FBLN7: variants seen among roughly 807,000 people sequenced by gnomAD.
FBLN7 encodes fibulin 7, also known as fibulin-7.
Under a neutral mutation model 44.0 loss-of-function variants are expected in FBLN7, and 31 were observed. The observed-to-expected ratio is 0.70, with a 90% CI of 0.53 to 0.95. The LOEUF (loss-of-function observed/expected upper bound fraction) is 0.95, where lower values mean the gene tolerates loss of function less well. Among genes scored for constraint, FBLN7 ranks in the 40% least tolerant of loss-of-function variants. The pLI is 0.00. For synonymous variants in FBLN7, 262 were observed against 253.4 expected, an observed-to-expected ratio of 1.03 and a Z score of -0.32; for missense variants, 573 against 618.5, an observed-to-expected ratio of 0.93 and a Z score of 0.78.
At chr2:112,231,054 T>C in the FBLN7 span, 8 of 751,940 alleles carry the variant, frequency 1.1e-5, no homozygotes, top group African/African-American at 1.5e-4. Flanking sequence ...AAATTCATCC[T>C]AATAATCATC....
At chr2:112,241,817 ATT>A in the FBLN7 span, among the ~76,000 whole-genome samples, 1 of 152,314 alleles carries the variant, frequency 6.6e-6, no homozygotes, top group East Asian at 1.9e-4. Context: ...ACTCTATAGC[ATT>A]TGTTTTTAAT....
the FBLN7 span, among the ~76,000 whole-genome samples, chr2:112,206,730 A>AC: frequency 3.0e-5 from 4 of 135,406 alleles, no homozygotes; most frequent in African/African-American, 1.1e-4. Flanking sequence ...TTTCTTATTG[A>AC]CTGTTTTTTT....
chr2:112,182,785 C>A lies in FBLN7; in HGVS notation c.671-6C>A. The A allele has an allele frequency of 6.3e-7, 1 of 1,596,012 alleles. No homozygotes were observed. The highest frequency in any genetic ancestry group is 8.5e-7 in the Non-Finnish European group (1 of 1,172,026). ...CTAAAGTCACAGTGAGCACTTCTGT[C>A]TGCAGACGTGAACGAGTGTGAGCTC... On this transcript the variant is annotated splice_polypyrimidine_tract_variant and splice_region_variant and intron_variant, in intron 5 of 7. Transcript: ENST00000331203.
chr2:112,184,540 A>G (rs1488198750), intron 6 of FBLN7, among the ~76,000 whole-genome samples: 1 of 151,984 alleles, frequency 6.6e-6, no homozygotes, highest in Non-Finnish European at 1.5e-5. Flanking sequence ...GGGAGCAGAG[A>G]ACTCATACAA....
chr2:112,142,695 T>A (rs2104533647), intron 1 of FBLN7, among the ~76,000 whole-genome samples: 1 of 152,274 alleles, frequency 6.6e-6, no homozygotes, highest in South Asian at 2.1e-4. Flanking sequence ...GGGGTTCCCG[T>A]TTGCTGGCAA....
At chr2:112,238,354 C>G in the FBLN7 span, 1 of 1,613,694 alleles carries the variant, frequency 6.2e-7, no homozygotes, top group South Asian at 1.1e-5. Context: ...TTTGTAGATT[C>G]TTCAGGTTGA....
At chr2:112,175,069 T>G (rs1682669091) in intron 3 of FBLN7, among the ~76,000 whole-genome samples, 1 of 152,224 alleles carries the variant, frequency 6.6e-6, no homozygotes, top group Admixed American at 6.5e-5. Flanking sequence ...CAAAGACCTT[T>G]TCCACAGAAG....
At chr2:112,174,934 C>T (rs1007768023) in intron 3 of FBLN7, among the ~76,000 whole-genome samples, 3 of 151,880 alleles carry the variant, frequency 2.0e-5, no homozygotes, top group Non-Finnish European at 4.4e-5. Context: ...AAAATGTATA[C>T]ATGATTATTA....
At chr2:112,147,528 C>T (rs540412514) in intron 1 of FBLN7, among the ~76,000 whole-genome samples, 1 of 152,322 alleles carries the variant, frequency 6.6e-6, no homozygotes, top group Admixed American at 6.5e-5. Context: ...TTTCCAGGAT[C>T]TCCTTCCCAG....
At chr2:112,217,421 A>G in the FBLN7 span, among the ~76,000 whole-genome samples, 1 of 152,230 alleles carries the variant, frequency 6.6e-6, no homozygotes, top group Non-Finnish European at 1.5e-5. Context: ...AAGCAAATGG[A>G]AACATTTTCA....
intron 2 of FBLN7, among the ~76,000 whole-genome samples, chr2:112,161,952 G>A (rs1213039123): frequency 1.3e-5 from 2 of 152,206 alleles, no homozygotes; most frequent in Non-Finnish European, 2.9e-5. Context: ...TGTGGTGGGG[G>A]TTGGGCCCGC....
chr2:112,142,283 C>A (rs1558866873), intron 1 of FBLN7, among the ~76,000 whole-genome samples: 1 of 152,210 alleles, frequency 6.6e-6, no homozygotes. Context: ...CTACTCTAAA[C>A]AAGTCCTCTC....
At chr2:112,156,139 T>A (rs1284001480) in intron 1 of FBLN7, among the ~76,000 whole-genome samples, 2 of 152,208 alleles carry the variant, frequency 1.3e-5, no homozygotes, top group Non-Finnish European at 2.9e-5. Context: ...ACCTGAACTT[T>A]GCACGGGAGT....
chr2:112,147,514 A>G (rs757951916), intron 1 of FBLN7, among the ~76,000 whole-genome samples: 2 of 152,220 alleles, frequency 1.3e-5, no homozygotes, highest in East Asian at 1.9e-4. Flanking sequence ...CACAAGCACA[A>G]TTGTTTCCAG....
the FBLN7 span, among the ~76,000 whole-genome samples, chr2:112,224,088 G>GAGAT: frequency 2.6e-5 from 4 of 152,134 alleles, no homozygotes; most frequent in African/African-American, 7.2e-5. Flanking sequence ...GTGGTGAGCT[G>GAGAT]AGATAGATAA....
intron 4 of FBLN7, among the ~76,000 whole-genome samples, chr2:112,181,013 G>A (rs1445735726): frequency 1.3e-5 from 2 of 149,162 alleles, no homozygotes; most frequent in Admixed American, 1.3e-4. Flanking sequence ...CCACAAAAAA[G>A]AATGAGATCA....
chr2:112,180,790 G>A (rs1169012873), intron 4 of FBLN7, among the ~76,000 whole-genome samples: 1 of 151,914 alleles, frequency 6.6e-6, no homozygotes, highest in Non-Finnish European at 1.5e-5. Flanking sequence ...CGGTGTGGTG[G>A]CGGGCGCCTG....
chr2:112,186,984 C>T (rs2104613478), intron 7 of FBLN7, 150 bp from the exon 8 acceptor site: 1 of 936,370 alleles, frequency 1.1e-6, no homozygotes, highest in Non-Finnish European at 1.6e-6. Flanking sequence ...TTCACTCGTC[C>T]ACAGCTCCAT....
the FBLN7 span, among the ~76,000 whole-genome samples, chr2:112,205,677 T>A: frequency 2.0e-5 from 3 of 152,162 alleles, no homozygotes; most frequent in South Asian, 4.1e-4. Context: ...TAAGTTGATA[T>A]GTTTGTCTGT....
Sources: gnomAD v4.1 joint callset for allele counts (sites outside exome capture counted in the v4.1 genomes callset) on GRCh38, gnomAD v4.1.1 for gene constraint, MANE v1.5 for transcripts, NCBI Gene and HGNC (gene_info 2026-07-23, HGNC 2026-07-21) for gene names.